Variants in FER1L6 observed in about 807,000 individuals in gnomAD.
FER1L6 encodes fer-1 like family member 6.
In FER1L6, 177 loss-of-function variants were observed where a neutral mutation model predicts 219.2. That is an observed-to-expected ratio of 0.81 (90% CI 0.71 to 0.91). The LOEUF is 0.91. Ranked by LOEUF, FER1L6 falls within the 40% of genes least tolerant of loss-of-function variation. FER1L6 has a pLI of 0.00. For missense variants in FER1L6, 2,153 were observed against 2,259.9 expected, an observed-to-expected ratio of 0.95 and a Z score of 0.96; for synonymous variants, 768 against 824.3, an observed-to-expected ratio of 0.93 and a Z score of 1.17.
intron 1 of FER1L6, among the ~76,000 whole-genome samples, chr8:123,901,671 C>T (rs1812860665): frequency 6.6e-6 from 1 of 151,762 alleles, no homozygotes; most frequent in Admixed American, 6.6e-5. Context: ...ACCGCCTTTG[C>T]CGTATCCCAG....
In FER1L6 at chr8:123,976,073, G is replaced by A. The variant is rs1816057856; in HGVS notation, c.859G>A (p.Ala287Thr). The change falls in exon 9 of 41, where the codon GCT becomes ACT. Residue 287 changes from alanine to threonine, a missense_variant. Transcript: ENST00000522917. Reference protein sequence around the residue: ...LVDPFVEVSFAGQMGRTTVQK... With the variant: ...LVDPFVEVSFTGQMGRTTVQK... ...GGATCCCTTTGTGGAGGTCTCCTTT[G>A]CTGGGCAGATGGTGAGGAACCATTG... The A allele has an allele frequency of 6.2e-7, 1 of 1,611,962 alleles. No individual in the cohort carries two copies. The highest frequency in any genetic ancestry group is 1.1e-5 in the South Asian group (1 of 90,480).
chr8:123,912,544 G>GT (rs34723718), intron 1 of FER1L6, among the ~76,000 whole-genome samples: 56,186 of 151,868 alleles, frequency 0.37, 11,398 homozygotes, highest in African/African-American at 0.53. Flanking sequence ...GAGCATTGAG[G>GT]TTTTTTTGGC....
chr8:123,920,525 G>A (rs569445797), intron 1 of FER1L6, among the ~76,000 whole-genome samples: 108 of 152,316 alleles, frequency 7.1e-4, no homozygotes, highest in Middle Eastern at 3.4e-3. Context: ...CCATGTCTGC[G>A]AGCCAGAGCT....
In FER1L6 at chr8:123,890,611, C is replaced by T. The variant is rs529783350; in HGVS notation, c.-8+38426C>T. 1.2e-4 allele frequency among the ~76,000 whole-genome samples: 14 copies of T among 114,558 alleles called. No homozygotes were observed. In the South Asian group the frequency reaches 3.7e-3, roughly 30 times the overall value. The allele number at this position is 114,558 out of a possible 152,430, so 75.2% of individuals were successfully genotyped here. A position where few individuals can be genotyped will look rare whatever the true frequency, so the allele number is the denominator to read the frequency against. ...TGCAAAAATTGATAGAGCACACTAG[C>T]CATTAAAAATTTGATTTTTTTTTTT... On this transcript the variant is annotated intron_variant, in intron 1 of 40. Transcript: ENST00000522917.
chr8:123,955,914 T>A (rs1814993557), intron 1 of FER1L6, 78 bp from the exon 2 acceptor site: 1 of 1,334,580 alleles, frequency 7.5e-7, no homozygotes, highest in African/African-American at 1.5e-5. Context: ...AAGCTCGGTG[T>A]GTTTTTGTGT....
chr8:124,070,334 TA>T, intron 29 of FER1L6, 132 bp from the exon 30 acceptor site: 1 of 903,762 alleles, frequency 1.1e-6, no homozygotes. Flanking sequence ...TCACTGAAGA[TA>T]AATTACCAGT....
chr8:124,076,073 C>A, intron 31 of FER1L6, 125 bp from the exon 32 acceptor site: 1 of 1,232,312 alleles, frequency 8.1e-7, no homozygotes, highest in Non-Finnish European at 1.1e-6. Flanking sequence ...AGCCCTGGCC[C>A]GTTAAATCAG....
At chr8:124,040,892 C>T (rs1324082720) in intron 20 of FER1L6, 1 of 152,216 alleles carries the variant, frequency 6.6e-6, no homozygotes, top group African/African-American at 2.4e-5. Context: ...CCTCTCAATA[C>T]TGTGACATTA....
In FER1L6 at chr8:124,101,350, G is replaced by T. The variant is rs1193269253; in HGVS notation, c.5125+12G>T. 6.2e-7 allele frequency: 1 copy of T among 1,609,594 alleles called. No individual in the cohort carries two copies. Among genetic ancestry groups the T allele is most frequent in the African/African-American group, 1.3e-5 (1 of 74,896 alleles). On this transcript the variant is annotated intron_variant, in intron 38 of 40. Coordinates refer to ENST00000522917, the MANE Select transcript of FER1L6 (RefSeq NM_001039112.2). ...AGATGACTTCCTGGGTAAGCCAGTG[G>T]CTTCATCAAGCACATATTAATGTTA...
intron 34 of FER1L6, among the ~76,000 whole-genome samples, chr8:124,092,761 A>G (rs1019336913): frequency 6.6e-6 from 1 of 152,118 alleles, no homozygotes; most frequent in African/African-American, 2.4e-5. Flanking sequence ...GCCTCAGGAA[A>G]CTTGCAGTCA....
chr8:123,912,567 A>G lies in FER1L6; in HGVS notation c.-7-43425A>G, dbSNP rs79666193. Among the ~76,000 whole-genome samples, 7 of 152,228 alleles carry G rather than the reference A, an allele frequency of 4.6e-5. No individual in the cohort carries two copies. The East Asian group carries it at 1.2e-3, about 25-fold the overall frequency. On this transcript the variant is annotated intron_variant, in intron 1 of 40. Transcript: ENST00000522917. The stretch of plus-strand genomic sequence containing the variant: ...AGGTTTTTTTGGCAGGCACTGTTCT[A>G]TGAGATTTTTGAGAATCTGCCTTAA...
chr8:123,905,060 A>G (rs1586453236), intron 1 of FER1L6, among the ~76,000 whole-genome samples: 1 of 152,220 alleles, frequency 6.6e-6, no homozygotes, highest in Non-Finnish European at 1.5e-5. Context: ...GCTAGGATCT[A>G]GGAAACTAAT....
At chr8:124,045,715 C>T in intron 20 of FER1L6, 52 bp from the exon 21 acceptor site, 2 of 1,596,964 alleles carry the variant, frequency 1.3e-6, no homozygotes, top group Non-Finnish European at 1.7e-6. Context: ...ACCTTAGAGC[C>T]CCTATAACTC....
At chr8:123,886,456 C>T (rs1395620503) in intron 1 of FER1L6, among the ~76,000 whole-genome samples, 4 of 152,168 alleles carry the variant, frequency 2.6e-5, no homozygotes, top group Admixed American at 6.5e-5. Flanking sequence ...GCATCAGGTT[C>T]CCCTTTGACC....
At chr8:124,070,369 A>G (rs1346710349) in intron 29 of FER1L6, 98 bp from the exon 30 acceptor site, 1 of 1,356,024 alleles carries the variant, frequency 7.4e-7, no homozygotes, top group Non-Finnish European at 1.0e-6. Flanking sequence ...CCCAAGGGGC[A>G]TATATCAAGG....
chr8:124,010,787 T>G, intron 14 of FER1L6, 73 bp downstream of exon 14: 3 of 1,566,372 alleles, frequency 1.9e-6, no homozygotes, highest in Non-Finnish European at 2.6e-6. Context: ...AAAATCCACC[T>G]AGTAGAGGAT....
chr8:124,008,144 C>G (rs1473320655), intron 13 of FER1L6, among the ~76,000 whole-genome samples: 3 of 152,174 alleles, frequency 2.0e-5, no homozygotes, highest in African/African-American at 7.2e-5. Context: ...CTTCTTATGC[C>G]TTTGCATCCT....
intron 1 of FER1L6, among the ~76,000 whole-genome samples, chr8:123,871,745 C>T (rs922171001): frequency 1.3e-5 from 2 of 152,032 alleles, no homozygotes; most frequent in Admixed American, 6.6e-5. Context: ...TTAATGAGTA[C>T]AGTATGGTAA....
chr8:123,923,381 C>A (rs1465797181), intron 1 of FER1L6, among the ~76,000 whole-genome samples: 1 of 152,170 alleles, frequency 6.6e-6, no homozygotes, highest in Non-Finnish European at 1.5e-5. Flanking sequence ...TCCACGTATT[C>A]TGTTGAACTA....
Sources: allele counts gnomAD v4.1 joint callset (sites outside exome capture counted in the v4.1 genomes callset), GRCh38; gene constraint gnomAD v4.1.1; transcripts MANE v1.5; gene names NCBI Gene and HGNC (gene_info 2026-07-23, HGNC 2026-07-21).